The following NDUFB4 variants were observed in gnomAD, a reference collection of about 807,000 sequenced individuals.
NDUFB4 encodes the protein NADH:ubiquinone oxidoreductase subunit B4.
A neutral mutation model predicts 14.5 loss-of-function variants in NDUFB4; 10 were observed. The ratio of observed to expected loss-of-function variants is 0.69; its 90% CI spans 0.43 to 1.17. The LOEUF (loss-of-function observed/expected upper bound fraction) is 1.17. Among genes scored for constraint, NDUFB4 ranks in the 50% most tolerant of loss-of-function variants. The probability of loss-of-function intolerance (pLI) is 0.00; values close to 1 mark genes in which losing one functional copy is unlikely to be tolerated. For synonymous variants in NDUFB4, 65 were observed against 63.4 expected (o/e 1.03, Z -0.12); for missense variants, 165 against 161.1 (o/e 1.02, Z -0.13).
rs1940077102 is a variant in NDUFB4 at position 120,602,278 on chromosome 3, A to G, written c.*8A>G. 1.3e-6 allele frequency: 2 copies of G among 1,597,808 alleles called. No individual in the cohort carries two copies. Among genetic ancestry groups the G allele is most frequent in the Non-Finnish European group, 8.5e-7 (1 of 1,169,752 alleles). ...TTTCACCTCTCATATTAAGTCTGGCAATGATGACTATATGTATTCCTGCCT... is the reference window on the plus strand; with the variant it reads ...TTTCACCTCTCATATTAAGTCTGGCGATGATGACTATATGTATTCCTGCCT... On this transcript the variant is annotated 3_prime_UTR_variant, in exon 3 of 3. Transcript: ENST00000184266.
rs550502085 is a variant in NDUFB4, at chr3:120,598,003, T to TGTGACACTA, written c.180+1465_180+1473dup. The stretch of plus-strand genomic sequence containing the variant: ...TTTGGTTCTGTTGATTAAATGAGTG[T>TGTGACACTA]GTGACACTATCATTTATTAATCAAT... On this transcript the variant is annotated intron_variant, in intron 1 of 2. Transcript: ENST00000184266. 3.0e-4 allele frequency among the ~76,000 whole-genome samples: 45 copies of TGTGACACTA among 152,242 alleles called. No homozygotes were observed. In the East Asian group the frequency reaches 8.7e-3, roughly 29 times the overall value.
chr3:120,601,414 CCAGCAGGAGT>C, intron 2 of NDUFB4, 157 bp downstream of exon 2: 2 of 1,469,532 alleles, frequency 1.4e-6, no homozygotes, highest in Non-Finnish European at 1.8e-6. Context: ...TTATTCCTTT[CCAGCAGGAGT>C]TAAAACAGAA....
At chr3:120,598,893 G>A (rs1048164170) in intron 1 of NDUFB4, among the ~76,000 whole-genome samples, 7 of 152,258 alleles carry the variant, frequency 4.6e-5, no homozygotes, top group Middle Eastern at 3.4e-3. Context: ...AGAGAATTTC[G>A]TGATCTGGAC....
chr3:120,598,610 T>G (rs1940006699), intron 1 of NDUFB4, among the ~76,000 whole-genome samples: 2 of 151,628 alleles, frequency 1.3e-5, no homozygotes, highest in African/African-American at 2.4e-5. Context: ...GTAGGGGAGG[T>G]AAGCAGCTAC....
In NDUFB4 at chr3:120,596,618, A is replaced by G. The variant is rs543458782; in HGVS notation, c.180+79A>G. On this transcript the variant is annotated intron_variant, in intron 1 of 2. Transcript: ENST00000184266. ...AGAGAGACCACGCAAAGGGTCGGCC[A>G]CCGCTCCCGATCAGTATCTCAGACG... The G allele has an allele frequency of 1.3e-4, 183 of 1,462,114 alleles. No individual in the cohort carries two copies. The African/African-American group carries it at 2.3e-3, about 19-fold the overall frequency. The allele number at this position is 1,462,114 out of a possible 1,614,324, so 90.6% of individuals were successfully genotyped here.
At chr3:120,598,548 T>C (rs1940005701) in intron 1 of NDUFB4, among the ~76,000 whole-genome samples, 1 of 151,974 alleles carries the variant, frequency 6.6e-6, no homozygotes, top group Non-Finnish European at 1.5e-5. Flanking sequence ...ATGTTAGTGG[T>C]AAGTGATGAG....
intron 1 of NDUFB4, chr3:120,600,807 G>A (rs1940044618): frequency 1.0e-5 from 3 of 298,702 alleles, no homozygotes; most frequent in Admixed American, 5.0e-5. Context: ...GAGAAAAAGT[G>A]GCTTCTCTGA....
At chr3:120,599,284 A>C (rs1177458159) in intron 1 of NDUFB4, among the ~76,000 whole-genome samples, 2 of 152,168 alleles carry the variant, frequency 1.3e-5, no homozygotes, top group Admixed American at 6.5e-5. Context: ...GTCAGAGTTC[A>C]GCAGTTGGTT....
At chr3:120,602,053 A>T in intron 2 of NDUFB4, 155 bp from the exon 3 acceptor site, 1 of 1,440,320 alleles carries the variant, frequency 6.9e-7, no homozygotes, top group Non-Finnish European at 9.1e-7. Context: ...GTGGGATTGC[A>T]ATTAGGTTTG....
rs746170505 is a variant in NDUFB4, at chr3:120,601,100, A to C, written c.181-11A>C. Reference sequence around the variant, plus strand: ...TTAAGTTCTATAACTTTTTGTTTTCATTAATTTTAGGAAAATCCTGCCTTG... The same window carrying C: ...TTAAGTTCTATAACTTTTTGTTTTCCTTAATTTTAGGAAAATCCTGCCTTG... On this transcript the variant is annotated splice_polypyrimidine_tract_variant and intron_variant, in intron 1 of 2. Coordinates refer to ENST00000184266, the MANE Select transcript of NDUFB4 (RefSeq NM_004547.6). 1 of 1,597,628 alleles carries C rather than the reference A, an allele frequency of 6.3e-7. No individual in the cohort carries two copies. The highest frequency in any genetic ancestry group is 8.5e-7 in the Non-Finnish European group (1 of 1,175,602).
chr3:120,602,393 C>A lies in NDUFB4; in HGVS notation c.*123C>A. The A allele has an allele frequency of 1.1e-6, 1 of 913,574 alleles. No individual in the cohort carries two copies. Among genetic ancestry groups the A allele is most frequent in the Non-Finnish European group, 1.6e-6 (1 of 609,536 alleles). 56.6% of individuals were successfully genotyped at this position (913,574 alleles called of 1,614,324 possible). On this transcript the variant is annotated 3_prime_UTR_variant, in exon 3 of 3. Coordinates refer to ENST00000184266, the MANE Select transcript of NDUFB4 (RefSeq NM_004547.6). Reference sequence around the variant, plus strand: ...TTAAAAACTATTAACACCCTAACAACACAGAAGCAGACGCAGCCCGTGTTG... The same window carrying A: ...TTAAAAACTATTAACACCCTAACAAAACAGAAGCAGACGCAGCCCGTGTTG...
chr3:120,597,745 AGTTG>A (rs1296824410), intron 1 of NDUFB4, among the ~76,000 whole-genome samples: 13 of 151,778 alleles, frequency 8.6e-5, no homozygotes, highest in Non-Finnish European at 1.9e-4. Context: ...GCTTTTAACT[AGTTG>A]GTTATACTGT....
At position 120,601,674 on chromosome 3, in the gene NDUFB4, T is replaced by C. The variant is rs1390923673; in HGVS notation, c.327+417T>C. 3.9e-6 allele frequency: 4 copies of C among 1,032,602 alleles called. No homozygotes were observed. The South Asian group carries it at 1.1e-4, about 29-fold the overall frequency. 64.0% of individuals were successfully genotyped at this position (1,032,602 alleles called of 1,614,324 possible). A position where few individuals can be genotyped will look rare whatever the true frequency, so the allele number is the denominator to read the frequency against. ...TGCCGTCAGCAGCCTGGGTATATGA[T>C]TGGAGAGAAAGTCAAGCTGATCTTT... On this transcript the variant is annotated intron_variant, in intron 2 of 2. Transcript: ENST00000184266.
chr3:120,596,375 T>C lies in NDUFB4; in HGVS notation c.16T>C (p.Tyr6His), dbSNP rs1448968468. MSFPKYKPSSLRTLPE... is the reference protein window; with the variant it reads MSFPKHKPSSLRTLPE... ...GTTCGCCAAGATGTCGTTCCCAAAG[T>C]ATAAGCCGTCGAGCCTGCGCACTCT... Residue 6 changes from tyrosine to histidine, a missense_variant, in exon 1 of 3, where the codon TAT becomes CAT. Tyr to His is a moderately conservative substitution (Grantham distance 83). Transcript: ENST00000184266. 1.9e-6 allele frequency: 3 copies of C among 1,614,142 alleles called. 1 individual carries two copies. Among genetic ancestry groups the C allele is most frequent in the East Asian group, 4.5e-5 (2 of 44,882 alleles).
chr3:120,597,050 CTA>C (rs1461033847), intron 1 of NDUFB4, among the ~76,000 whole-genome samples: 2 of 144,336 alleles, frequency 1.4e-5, no homozygotes, highest in Non-Finnish European at 1.5e-5. Flanking sequence ...ATATTATATT[CTA>C]TATATATGCA....
chr3:120,601,466 G>T, intron 2 of NDUFB4: 1 of 1,400,566 alleles, frequency 7.1e-7, no homozygotes, highest in Non-Finnish European at 9.2e-7. Flanking sequence ...ATTTTTGTTA[G>T]TTCATTTGTT....
intron 1 of NDUFB4, among the ~76,000 whole-genome samples, chr3:120,598,982 TA>T (rs1287180702): frequency 6.6e-6 from 1 of 152,146 alleles, no homozygotes; most frequent in Non-Finnish European, 1.5e-5. Context: ...GAGGCTTTTG[TA>T]GTAATCCAAT....
chr3:120,600,172 ATTG>A (rs1940035160), intron 1 of NDUFB4, among the ~76,000 whole-genome samples: 1 of 141,498 alleles, frequency 7.1e-6, no homozygotes, highest in African/African-American at 2.5e-5. Flanking sequence ...CTCAGGGTAA[ATTG>A]TTGTAATTTA....
chr3:120,600,632 C>T (rs916546727), intron 1 of NDUFB4, among the ~76,000 whole-genome samples: 1 of 152,146 alleles, frequency 6.6e-6, no homozygotes, highest in African/African-American at 2.4e-5. Context: ...CCTGGAAAGA[C>T]TATTTTGGTG....
Sources: allele counts gnomAD v4.1 joint callset (sites outside exome capture counted in the v4.1 genomes callset), GRCh38; gene constraint gnomAD v4.1.1; transcripts MANE v1.5; gene names NCBI Gene and HGNC (gene_info 2026-07-23, HGNC 2026-07-21).